Variants in NLGN1 observed in about 807,000 individuals in gnomAD.
The protein encoded by NLGN1 is neuroligin-1.
A neutral mutation model predicts 65.5 loss-of-function variants in NLGN1; 12 were observed. The observed-to-expected ratio is 0.18, with a 90% CI of 0.12 to 0.30. NLGN1 has a LOEUF of 0.30. Among genes scored for constraint, NLGN1 ranks in the 10% least tolerant of loss-of-function variants. NLGN1 has a pLI of 1.00. For synonymous variants in NLGN1, 350 were observed against 359.5 expected, an observed-to-expected ratio of 0.97 and a Z score of 0.30; for missense variants, 750 against 1,007.1, an observed-to-expected ratio of 0.74 and a Z score of 3.46.
intron 1 of NLGN1, among the ~76,000 whole-genome samples, chr3:173,434,291 A>G (rs1490437612): frequency 6.6e-6 from 1 of 152,204 alleles, no homozygotes; most frequent in Non-Finnish European, 1.5e-5. Flanking sequence ...TCATATTCTT[A>G]TTCCTAATAT....
intron 3 of NLGN1, among the ~76,000 whole-genome samples, chr3:173,672,261 C>A (rs1762548289): frequency 6.6e-6 from 1 of 152,180 alleles, no homozygotes; most frequent in Admixed American, 6.5e-5. Flanking sequence ...AAGGTTTTTG[C>A]AGAGTAACCT....
At chr3:173,508,785 C>T (rs990472947) in intron 2 of NLGN1, among the ~76,000 whole-genome samples, 7 of 152,114 alleles carry the variant, frequency 4.6e-5, no homozygotes, top group Admixed American at 1.3e-4. Flanking sequence ...CCAGTCTTAT[C>T]GAACTCTCCT....
intron 4 of NLGN1, among the ~76,000 whole-genome samples, chr3:174,179,091 A>G (rs150057531): frequency 2.0e-4 from 30 of 152,248 alleles, no homozygotes; most frequent in Non-Finnish European, 4.0e-4. Context: ...TAGATTTCTC[A>G]AATATCCAAC....
intron 4 of NLGN1, among the ~76,000 whole-genome samples, chr3:173,850,402 A>G (rs1578780631): frequency 6.6e-6 from 1 of 152,202 alleles, no homozygotes; most frequent in African/African-American, 2.4e-5. Context: ...CTCTCTTCTT[A>G]AAAATCACTG....
intron 1 of NLGN1, among the ~76,000 whole-genome samples, chr3:173,404,458 C>T (rs747194033): frequency 3.9e-5 from 6 of 152,132 alleles, no homozygotes; most frequent in Admixed American, 2.6e-4. Context: ...CTGGGCTCCT[C>T]GCCTCCAGGA....
exon 7 of NLGN1, chr3:174,282,174 T>A (rs539682000): frequency 1.1e-4 from 17 of 152,250 alleles, no homozygotes; most frequent in African/African-American, 4.1e-4. Context: ...CAGAAAAAAA[T>A]TTCCTGTTTT....
chr3:173,765,052 ATGTGTGTGTG>A (rs55747253), intron 3 of NLGN1, among the ~76,000 whole-genome samples: 4,112 of 136,248 alleles, frequency 0.03, 99 homozygotes, highest in African/African-American at 0.07. Flanking sequence ...CTGTGGGTGC[ATGTGTGTGTG>A]TGTGTGTGTG....
At chr3:173,669,914 T>C (rs1463773399) in intron 3 of NLGN1, among the ~76,000 whole-genome samples, 2 of 152,180 alleles carry the variant, frequency 1.3e-5, no homozygotes, top group Non-Finnish European at 2.9e-5. Context: ...TTAAAACTAT[T>C]ATGTGATGTA....
chr3:173,912,111 A>G (rs1739731446), intron 4 of NLGN1, among the ~76,000 whole-genome samples: 1 of 152,236 alleles, frequency 6.6e-6, no homozygotes, highest in African/African-American at 2.4e-5. Flanking sequence ...TGCAAAACAT[A>G]GAGCCTGACA....
chr3:173,610,178 C>T (rs1752070059), intron 3 of NLGN1, among the ~76,000 whole-genome samples: 1 of 151,818 alleles, frequency 6.6e-6, no homozygotes. Flanking sequence ...TTAAAGATCA[C>T]ATTCCTTGAT....
intron 4 of NLGN1, among the ~76,000 whole-genome samples, chr3:174,026,606 A>T (rs773091320): frequency 2.6e-5 from 4 of 152,230 alleles, no homozygotes; most frequent in Non-Finnish European, 5.9e-5. Flanking sequence ...CTCAGAACAT[A>T]TATCAAGCTT....
At chr3:173,581,113 A>G (rs1164303673) in intron 2 of NLGN1, among the ~76,000 whole-genome samples, 1 of 152,062 alleles carries the variant, frequency 6.6e-6, no homozygotes, top group Non-Finnish European at 1.5e-5. Context: ...GGTTATTTCC[A>G]GGAAATCTAT....
At chr3:173,500,963 C>A (rs891922996) in intron 2 of NLGN1, among the ~76,000 whole-genome samples, 1 of 152,088 alleles carries the variant, frequency 6.6e-6, no homozygotes, top group Non-Finnish European at 1.5e-5. Context: ...ACGTTGCTTG[C>A]ACATGGTAGA....
At chr3:174,223,599 A>G (rs1191264255) in intron 4 of NLGN1, among the ~76,000 whole-genome samples, 1 of 152,188 alleles carries the variant, frequency 6.6e-6, no homozygotes, top group Non-Finnish European at 1.5e-5. Context: ...GTGCAGCTGA[A>G]TGTCTTTTCC....
At chr3:173,750,237 C>A (rs182953934) in intron 3 of NLGN1, among the ~76,000 whole-genome samples, 1 of 152,032 alleles carries the variant, frequency 6.6e-6, no homozygotes, top group Non-Finnish European at 1.5e-5. Context: ...TTTGGACTTT[C>A]TACTGAAGCC....
At chr3:173,452,040 ACG>A (rs1721652730) in intron 2 of NLGN1, among the ~76,000 whole-genome samples, 1 of 152,126 alleles carries the variant, frequency 6.6e-6, no homozygotes. Context: ...GCTTCGGCTC[ACG>A]CACAGTGCAC....
chr3:174,030,862 T>C (rs1729877324), intron 4 of NLGN1, among the ~76,000 whole-genome samples: 1 of 152,230 alleles, frequency 6.6e-6, no homozygotes, highest in Middle Eastern at 3.4e-3. Flanking sequence ...ATTAGATATC[T>C]CTAGAAGCGA....
At chr3:173,497,187 C>T (rs899240944) in intron 2 of NLGN1, among the ~76,000 whole-genome samples, 1 of 151,724 alleles carries the variant, frequency 6.6e-6, no homozygotes, top group African/African-American at 2.4e-5. Context: ...AGTTCGAGAC[C>T]AGCCTGGCCA....
intron 2 of NLGN1, among the ~76,000 whole-genome samples, chr3:173,572,357 G>T (rs2149335276): frequency 6.6e-6 from 1 of 152,316 alleles, no homozygotes; most frequent in East Asian, 1.9e-4. Context: ...TAAATGATTT[G>T]TTCAGATTTG....
Sources: gnomAD v4.1 joint callset for allele counts (sites outside exome capture counted in the v4.1 genomes callset) on GRCh38, gnomAD v4.1.1 for gene constraint, MANE v1.5 for transcripts, NCBI Gene and HGNC (gene_info 2026-07-23, HGNC 2026-07-21) for gene names.